GRIN3A: variants seen among roughly 807,000 people sequenced by gnomAD.
GRIN3A encodes the protein glutamate ionotropic receptor NMDA type subunit 3A, also known as glutamate receptor ionotropic, NMDA 3A.
Under a neutral mutation model 92.4 loss-of-function variants are expected in GRIN3A, and 47 were observed. The ratio of observed to expected loss-of-function variants is 0.51; its 90% CI spans 0.40 to 0.65. GRIN3A has a LOEUF of 0.65. Ranked by LOEUF, GRIN3A falls within the 30% of genes least tolerant of loss-of-function variation. The probability of loss-of-function intolerance (pLI) is 0.00; values close to 1 mark genes in which losing one functional copy is unlikely to be tolerated. For missense variants in GRIN3A, 1,324 were observed against 1,393.1 expected, an observed-to-expected ratio of 0.95 and a Z score of 0.79; for synonymous variants, 527 against 540.6, an observed-to-expected ratio of 0.97 and a Z score of 0.35.
At chr9:101,644,681 AAACGG>A (rs35378958) in intron 3 of GRIN3A, among the ~76,000 whole-genome samples, 12,701 of 151,906 alleles carry the variant, frequency 0.084, 750 homozygotes, top group East Asian at 0.22. Flanking sequence ...TGTAAAACTC[AAACGG>A]AAGTTTTATA....
rs542092090 is a variant in GRIN3A at position 101,639,351 on chromosome 9, A to G, written c.2353-10950T>C. 6.4e-4 allele frequency among the ~76,000 whole-genome samples: 97 copies of G among 152,308 alleles called. 1 individual carries two copies. The highest frequency in any genetic ancestry group is 1.2e-3 in the South Asian group (6 of 4,828). ...CTATAGGGCTTCTTACAGAAAAAAA[A>G]AAAGGAGGATGCCTTTAAGCCTATG... On this transcript the variant is annotated intron_variant, in intron 3 of 8. Transcript: ENST00000361820.
intron 1 of GRIN3A, among the ~76,000 whole-genome samples, chr9:101,694,863 T>C (rs913205711): frequency 6.6e-6 from 1 of 152,136 alleles, no homozygotes; most frequent in African/African-American, 2.4e-5. Flanking sequence ...GCATTTGACA[T>C]AAAGAAAGAC....
At chr9:101,701,575 G>GAAAA (rs1829754417) in intron 1 of GRIN3A, among the ~76,000 whole-genome samples, 1 of 151,838 alleles carries the variant, frequency 6.6e-6, no homozygotes, top group African/African-American at 2.4e-5. Flanking sequence ...AAAACCCTAG[G>GAAAA]AAAACAAACA....
At chr9:101,707,317 T>C (rs1365769440) in intron 1 of GRIN3A, among the ~76,000 whole-genome samples, 2 of 152,242 alleles carry the variant, frequency 1.3e-5, no homozygotes, top group Non-Finnish European at 2.9e-5. Flanking sequence ...ATAAATTTAC[T>C]ATCACCAATT....
intron 5 of GRIN3A, among the ~76,000 whole-genome samples, chr9:101,616,452 C>T (rs1038583513): frequency 2.0e-5 from 3 of 152,064 alleles, no homozygotes; most frequent in Non-Finnish European, 2.9e-5. Context: ...CAAAATAGCT[C>T]TTTGAATGGA....
intron 3 of GRIN3A, among the ~76,000 whole-genome samples, chr9:101,635,765 A>C (rs1251200711): frequency 6.6e-6 from 1 of 152,206 alleles, no homozygotes; most frequent in Non-Finnish European, 1.5e-5. Flanking sequence ...TTTCAAACTG[A>C]AGCAACAGTA....
At position 101,570,761 on chromosome 9, in the gene GRIN3A, T is replaced by C. The variant is rs1983812; in HGVS notation, c.*2413A>G. The C allele has an allele frequency of 0.49, 74,974 of 152,370 alleles. 18,592 individuals are homozygous for C. The highest frequency in any genetic ancestry group is 0.67 in the East Asian group (3,430 of 5,154). The allele number at this position is 152,370 out of a possible 1,614,324, so 9.4% of individuals were successfully genotyped here. A position where few individuals can be genotyped will look rare whatever the true frequency, so the allele number is the denominator to read the frequency against. On this transcript the variant is annotated 3_prime_UTR_variant, in exon 9 of 9. Coordinates refer to ENST00000361820, the MANE Select transcript of GRIN3A (RefSeq NM_133445.3). ...CCTCACTAGAGAAGCTTAAGGTAAA[T>C]CCGATATACAAAAATGCAGACTTAC...
intron 1 of GRIN3A, among the ~76,000 whole-genome samples, chr9:101,715,581 T>C (rs1386174419): frequency 2.6e-5 from 4 of 152,218 alleles, no homozygotes; most frequent in African/African-American, 9.6e-5. Flanking sequence ...CACATTTTTT[T>C]GATTTTTATC....
At chr9:101,588,098 C>T (rs968502948) in intron 6 of GRIN3A, among the ~76,000 whole-genome samples, 4 of 152,142 alleles carry the variant, frequency 2.6e-5, no homozygotes, top group Middle Eastern at 3.4e-3. Context: ...GACAGAGTTT[C>T]CCAGGTGAGA....
chr9:101,614,582 T>G (rs1588248984), intron 5 of GRIN3A, among the ~76,000 whole-genome samples: 1 of 148,014 alleles, frequency 6.8e-6, no homozygotes, highest in South Asian at 2.1e-4. Flanking sequence ...GTTTTAGGAA[T>G]ACATATATAT....
intron 1 of GRIN3A, among the ~76,000 whole-genome samples, chr9:101,711,696 A>C (rs143990110): frequency 1.3e-5 from 2 of 152,170 alleles, no homozygotes; most frequent in African/African-American, 4.8e-5. Context: ...GTTCTTTTCC[A>C]GGGCAGTGGC....
At chr9:101,583,511 C>A (rs1827915622) in intron 6 of GRIN3A, among the ~76,000 whole-genome samples, 1 of 152,140 alleles carries the variant, frequency 6.6e-6, no homozygotes, top group African/African-American at 2.4e-5. Context: ...TAGTAAAAAA[C>A]TGCTCAACTT....
intron 1 of GRIN3A, among the ~76,000 whole-genome samples, chr9:101,728,903 T>C (rs1830107576): frequency 6.6e-6 from 1 of 152,204 alleles, no homozygotes; most frequent in African/African-American, 2.4e-5. Context: ...CCCTGGCCTA[T>C]AGCAGTGCTA....
At chr9:101,636,191 T>A (rs1181451615) in intron 3 of GRIN3A, among the ~76,000 whole-genome samples, 1 of 152,168 alleles carries the variant, frequency 6.6e-6, no homozygotes, top group Non-Finnish European at 1.5e-5. Context: ...TTTAGCTGAG[T>A]TTTGTTCATT....
intron 1 of GRIN3A, among the ~76,000 whole-genome samples, chr9:101,687,573 A>G (rs1829555411): frequency 6.6e-6 from 1 of 152,156 alleles, no homozygotes; most frequent in African/African-American, 2.4e-5. Context: ...TTAAACTTTG[A>G]TCTCATACGC....
At chr9:101,595,211 G>T (rs1227742509) in intron 6 of GRIN3A, among the ~76,000 whole-genome samples, 1 of 152,072 alleles carries the variant, frequency 6.6e-6, no homozygotes, top group Non-Finnish European at 1.5e-5. Flanking sequence ...CCCGGGAGAG[G>T]CAGAGGTGGA....
intron 2 of GRIN3A, among the ~76,000 whole-genome samples, chr9:101,673,897 G>A (rs10125758): frequency 0.33 from 50,821 of 151,764 alleles, 9,424 homozygotes; most frequent in Non-Finnish European, 0.42. Flanking sequence ...CCGCATAATG[G>A]GCATCATGAT....
At chr9:101,671,325 G>A (rs112590385) in intron 2 of GRIN3A, among the ~76,000 whole-genome samples, 3,444 of 152,256 alleles carry the variant, frequency 0.023, 69 homozygotes, top group Non-Finnish European at 0.036. Flanking sequence ...TCACTCTCAG[G>A]TTCTAATATT....
intron 1 of GRIN3A, among the ~76,000 whole-genome samples, chr9:101,734,263 G>A (rs555416821): frequency 2.0e-5 from 3 of 152,146 alleles, no homozygotes; most frequent in Non-Finnish European, 4.4e-5. Flanking sequence ...ATGGAATTAG[G>A]TTCATATTCA....
Sources: gnomAD v4.1 joint callset for allele counts (sites outside exome capture counted in the v4.1 genomes callset) on GRCh38, gnomAD v4.1.1 for gene constraint, MANE v1.5 for transcripts, NCBI Gene and HGNC (gene_info 2026-07-23, HGNC 2026-07-21) for gene names.